SIX6: variants seen among roughly 807,000 people sequenced by gnomAD.
The protein encoded by SIX6 is SIX homeobox 6, also known as homeobox protein SIX6.
In SIX6, 14 loss-of-function variants were observed where a neutral mutation model predicts 23.6. That is an observed-to-expected ratio of 0.59 (90% CI 0.39 to 0.93). The LOEUF is 0.93. Among genes scored for constraint, SIX6 ranks in the 40% least tolerant of loss-of-function variants. The pLI, the probability that SIX6 is intolerant of heterozygous loss-of-function variation, is 0.00. For synonymous variants in SIX6, 128 were observed against 144.9 expected (o/e 0.88, Z 0.84); for missense variants, 307 against 325.6 (o/e 0.94, Z 0.44).
At position 60,509,534 on chromosome 14, in the gene SIX6, G is replaced by A. The variant is rs748615163; in HGVS notation, c.136G>A (p.Ala46Thr). 2.5e-6 allele frequency: 4 copies of A among 1,609,192 alleles called. No homozygotes were observed. Among genetic ancestry groups the A allele is most frequent in the Non-Finnish European group, 2.5e-6 (3 of 1,179,994 alleles). The change falls in exon 1 of 2, where the codon GCC becomes ACC. Residue 46 changes from alanine (A) to threonine (T), a missense_variant. Ala to Thr is a moderately conservative substitution (Grantham distance 58). Transcript: ENST00000327720. ...GCCCGTGGCCCCTGCGGCCTGCGAG[G>A]CCCTCAACAAGAATGAGTCGGTGCT... is the stretch of plus-strand genomic sequence containing the variant. ...SLPVAPAACE[A>T]LNKNESVLRA...
Position 60,509,637 on chromosome 14 carries a change from C to A in SIX6, c.239C>A (p.Thr80Asn), listed in dbSNP as rs755414940. ...CATATCCTGGAAAACCACAAGTTCA[C>A]CAAGGAGTCGCACGCCAAGCTGCAG... ...LYHILENHKFTKESHAKLQAL... is the reference protein window; with the variant it reads ...LYHILENHKFNKESHAKLQAL... Residue 80 changes from threonine (T) to asparagine (N), a missense_variant, in exon 1 of 2, where the codon ACC becomes AAC. Thr to Asn is a moderately conservative substitution (Grantham distance 65). Coordinates refer to ENST00000327720, the MANE Select transcript of SIX6 (RefSeq NM_007374.3). The A allele has an allele frequency of 3.7e-6, 6 of 1,613,774 alleles. No individual in the cohort carries two copies. Among genetic ancestry groups the A allele is most frequent in the Non-Finnish European group, 5.1e-6 (6 of 1,180,018 alleles).
chr14:60,510,266 A>G (rs1893270595), intron 1 of SIX6, among the ~76,000 whole-genome samples: 1 of 152,266 alleles, frequency 6.6e-6, no homozygotes, highest in South Asian at 2.1e-4. Flanking sequence ...TTAAAATCCT[A>G]CAAACAGTTA....
intron 1 of SIX6, 136 bp downstream of exon 1, chr14:60,510,106 C>G: frequency 1.3e-6 from 1 of 790,114 alleles, no homozygotes; most frequent in Non-Finnish European, 2.1e-6. Context: ...GGGTTAAGAG[C>G]CCTGCGTTCT....
At chr14:60,511,055 G>T (rs558333993) in intron 1 of SIX6, 29 bp from the exon 2 acceptor site, 1 of 1,608,936 alleles carries the variant, frequency 6.2e-7, no homozygotes, top group Non-Finnish European at 8.5e-7. Context: ...GTTACGAGCT[G>T]TGACCCGTGT....
Position 60,511,360 on chromosome 14 carries a change from C to A in SIX6, c.*108C>A. 7.6e-7 allele frequency: 1 copy of A among 1,320,594 alleles called. No homozygotes were observed. Among genetic ancestry groups the A allele is most frequent in the Non-Finnish European group, 1.1e-6 (1 of 928,086 alleles). 81.8% of individuals were successfully genotyped at this position (1,320,594 alleles called of 1,614,324 possible). A position where few individuals can be genotyped will look rare whatever the true frequency, so the allele number is the denominator to read the frequency against. On this transcript the variant is annotated 3_prime_UTR_variant, in exon 2 of 2. Transcript: ENST00000327720. ...CCTGCAAATCCAGCGCCACAGAAGC[C>A]AGGTGACCAGGGACCCGCGGGCTCG...
At position 60,509,406 on chromosome 14, in the gene SIX6, A is replaced by T. The variant is rs1893255147; in HGVS notation, c.8A>T (p.Gln3Leu). MF[Q>L]LPILNFSPQQ... is the part of the protein sequence containing the mutation. ...GCCGCCGGCACTGCCTCGATGTTCCAGCTGCCCATCTTGAATTTCAGCCCC... is the reference window on the plus strand; with the variant it reads ...GCCGCCGGCACTGCCTCGATGTTCCTGCTGCCCATCTTGAATTTCAGCCCC... Residue 3 changes from glutamine to leucine, a missense_variant, in exon 1 of 2, where the codon CAG becomes CTG. By Grantham distance (113) the Gln-to-Leu change is moderately radical. Transcript: ENST00000327720. 6.3e-7 allele frequency: 1 copy of T among 1,599,404 alleles called. No homozygotes were observed. Among genetic ancestry groups the T allele is most frequent in the African/African-American group, 1.3e-5 (1 of 75,046 alleles).
intron 1 of SIX6, 46 bp downstream of exon 1, chr14:60,510,016 G>A: frequency 6.6e-7 from 1 of 1,512,270 alleles, no homozygotes; most frequent in South Asian, 1.2e-5. Context: ...CGGGGAGGAG[G>A]CGGGTGGAGG....
In SIX6 at chr14:60,511,538, AC is replaced by A. The variant is rs1231953590; in HGVS notation, c.*289del. 1.8e-6 allele frequency: 1 copy of A among 557,268 alleles called. No individual in the cohort carries two copies. Among genetic ancestry groups the A allele is most frequent in the Non-Finnish European group, 3.2e-6 (1 of 310,522 alleles). 34.5% of individuals were successfully genotyped at this position (557,268 alleles called of 1,614,324 possible). The stretch of plus-strand genomic sequence containing the variant: ...ATTTTGCTGCAAAGTCTCCTTCGGA[AC>A]CCGAACTGCAAGCTGAGCGCCTGCC... On this transcript the variant is annotated 3_prime_UTR_variant, in exon 2 of 2. Coordinates refer to ENST00000327720, the MANE Select transcript of SIX6 (RefSeq NM_007374.3).
At chr14:60,510,010 G>A (rs1019938694) in intron 1 of SIX6, 40 bp downstream of exon 1, 4 of 1,547,354 alleles carry the variant, frequency 2.6e-6, no homozygotes, top group East Asian at 2.4e-5. Context: ...GCGCACCGGG[G>A]AGGAGGCGGG....
chr14:60,511,618 C>A lies in SIX6; in HGVS notation c.*366C>A. 1 of 408,862 alleles carries A rather than the reference C, an allele frequency of 2.4e-6. No homozygotes were observed. The allele number at this position is 408,862 out of a possible 1,614,324, so 25.3% of individuals were successfully genotyped here. On this transcript the variant is annotated 3_prime_UTR_variant, in exon 2 of 2. Coordinates refer to ENST00000327720, the MANE Select transcript of SIX6 (RefSeq NM_007374.3). Reference sequence around the variant, plus strand: ...AAAGGACGCTGTTACATATGTATAACTTTCGCTTTAAAGTTTTTTTTTAAC... The same window carrying A: ...AAAGGACGCTGTTACATATGTATAAATTTCGCTTTAAAGTTTTTTTTTAAC...
chr14:60,509,387 G>C lies in SIX6; in HGVS notation c.-12G>C. On this transcript the variant is annotated 5_prime_UTR_variant, in exon 1 of 2. Coordinates refer to ENST00000327720, the MANE Select transcript of SIX6 (RefSeq NM_007374.3). ...CGGGCTCAGTGCCCTCGCCGCCGCC[G>C]GCACTGCCTCGATGTTCCAGCTGCC... 3 of 1,598,882 alleles carry C rather than the reference G, an allele frequency of 1.9e-6. No individual in the cohort carries two copies. The highest frequency in any genetic ancestry group is 1.7e-6 in the Non-Finnish European group (2 of 1,179,644).
At position 60,511,127 on chromosome 14, in the gene SIX6, C is replaced by G. The variant is rs148118869; in HGVS notation, c.616C>G (p.Arg206Gly). The G allele has an allele frequency of 3.3e-5, 54 of 1,612,688 alleles. No homozygotes were observed. Among genetic ancestry groups the G allele is most frequent in the Non-Finnish European group, 4.3e-5 (51 of 1,179,858 alleles). The change falls in exon 2 of 2, where the codon CGG becomes GGG. Residue 206 changes from arginine to glycine, a missense_variant. Coordinates refer to ENST00000327720, the MANE Select transcript of SIX6 (RefSeq NM_007374.3). ...VLSQGSGRALRAEGDGTPEVL... is the reference protein window; with the variant it reads ...VLSQGSGRALGAEGDGTPEVL... ...GTCACAGGGTTCCGGGCGGGCACTACGGGCGGAGGGCGACGGCACGCCAGA... is the reference window on the plus strand; with the variant it reads ...GTCACAGGGTTCCGGGCGGGCACTAGGGGCGGAGGGCGACGGCACGCCAGA...
At position 60,509,650 on chromosome 14, in the gene SIX6, C is replaced by T; in HGVS notation, c.252C>T (p.His84=). The change falls in exon 1 of 2, where the codon CAC becomes CAT. Residue 84 remains histidine, a synonymous_variant. Coordinates refer to ENST00000327720, the MANE Select transcript of SIX6 (RefSeq NM_007374.3). ...LENHKFTKES[H]AKLQALWLEA... is the part of the protein sequence containing the mutation. ...ACCACAAGTTCACCAAGGAGTCGCACGCCAAGCTGCAGGCGCTGTGGCTTG... is the reference window on the plus strand; with the variant it reads ...ACCACAAGTTCACCAAGGAGTCGCATGCCAAGCTGCAGGCGCTGTGGCTTG... 1.2e-6 allele frequency: 2 copies of T among 1,613,950 alleles called. No individual in the cohort carries two copies. Among genetic ancestry groups the T allele is most frequent in the Non-Finnish European group, 1.7e-6 (2 of 1,180,018 alleles).
Position 60,509,835 on chromosome 14 carries a change from G to T in SIX6, c.437G>T (p.Trp146Leu), listed in dbSNP as rs764482008. ...KERTRHLLRE[W>L]YLQDPYPNPS... Reference sequence around the variant, plus strand: ...CGCACGCGGCACCTGCTACGCGAGTGGTACCTGCAGGATCCATACCCTAAC... The same window carrying T: ...CGCACGCGGCACCTGCTACGCGAGTTGTACCTGCAGGATCCATACCCTAAC... The change falls in exon 1 of 2, where the codon TGG (tryptophan) becomes TTG (leucine). Residue 146 changes from tryptophan (W) to leucine (L), a missense_variant. By Grantham distance (61) the Trp-to-Leu change is moderately conservative. Transcript: ENST00000327720. The T allele has an allele frequency of 6.2e-7, 1 of 1,613,860 alleles. No homozygotes were observed. The highest frequency in any genetic ancestry group is 8.5e-7 in the Non-Finnish European group (1 of 1,179,814).
intron 1 of SIX6, among the ~76,000 whole-genome samples, 158 bp downstream of exon 1, chr14:60,510,128 C>G (rs1355610125): frequency 6.6e-6 from 1 of 152,172 alleles, no homozygotes; most frequent in African/African-American, 2.4e-5. Flanking sequence ...GGCTCCTGGC[C>G]GGGAGTTCCC....
chr14:60,509,513 G>A lies in SIX6; in HGVS notation c.115G>A (p.Val39Met), dbSNP rs1213434250. The change falls in exon 1 of 2, where the codon GTG becomes ATG. Residue 39 changes from valine (V) to methionine (M), a missense_variant. Coordinates refer to ENST00000327720, the MANE Select transcript of SIX6 (RefSeq NM_007374.3). ...GGGTCGCTTCCTCTGGTCGCTGCCC[G>A]TGGCCCCTGCGGCCTGCGAGGCCCT... ...RLGRFLWSLPVAPAACEALNK... is the reference protein window; with the variant it reads ...RLGRFLWSLPMAPAACEALNK... 1.2e-6 allele frequency: 2 copies of A among 1,605,814 alleles called. No homozygotes were observed. Among genetic ancestry groups the A allele is most frequent in the Admixed American group, 1.7e-5 (1 of 60,004 alleles).
At chr14:60,511,022 G>A (rs960566447) in intron 1 of SIX6, 62 bp from the exon 2 acceptor site, 2 of 1,546,464 alleles carry the variant, frequency 1.3e-6, no homozygotes, top group Admixed American at 3.6e-5. Flanking sequence ...AGGAGGTGGT[G>A]GGGGCGGGCG....
intron 1 of SIX6, among the ~76,000 whole-genome samples, chr14:60,510,780 A>C (rs890967734): frequency 6.6e-6 from 1 of 152,244 alleles, no homozygotes; most frequent in African/African-American, 2.4e-5. Context: ...ACAGTCCTGT[A>C]AATCTCCCAA....
rs149884327 is a variant in SIX6, at chr14:60,509,521, T to C, written c.123T>C (p.Pro41=). The change falls in exon 1 of 2, where the codon CCT becomes CCC. Residue 41 remains proline, a synonymous_variant. Transcript: ENST00000327720. ...TCCTCTGGTCGCTGCCCGTGGCCCC[T>C]GCGGCCTGCGAGGCCCTCAACAAGA... ...GRFLWSLPVA[P]AACEALNKNE... 1.2e-5 allele frequency: 20 copies of C among 1,606,960 alleles called. No individual in the cohort carries two copies. The African/African-American group carries it at 2.4e-4, about 19-fold the overall frequency.
Sources: gnomAD v4.1 joint callset for allele counts (sites outside exome capture counted in the v4.1 genomes callset) on GRCh38, gnomAD v4.1.1 for gene constraint, MANE v1.5 for transcripts, NCBI Gene and HGNC (gene_info 2026-07-23, HGNC 2026-07-21) for gene names.